PRP4K: variants seen among roughly 807,000 people sequenced by gnomAD.
PRP4K encodes the protein serine/threonine-protein kinase PRP4 homolog.
the PRP4K span, among the ~76,000 whole-genome samples, chr6:4,033,775 T>G: frequency 2.0e-5 from 3 of 152,210 alleles, 1 homozygote; most frequent in East Asian, 3.8e-4. Context: ...TATTTCCAAG[T>G]GCTGTGTCTT....
chr6:4,037,227 A>G, the PRP4K span, among the ~76,000 whole-genome samples: 1 of 152,196 alleles, frequency 6.6e-6, no homozygotes, highest in Non-Finnish European at 1.5e-5. Flanking sequence ...GCCTGCAATA[A>G]CACCAAAATA....
the PRP4K span, among the ~76,000 whole-genome samples, chr6:4,029,214 AC>A: frequency 6.6e-6 from 1 of 151,080 alleles, no homozygotes; most frequent in Non-Finnish European, 1.5e-5. Flanking sequence ...AGTGTCTTTC[AC>A]AACACTGATC....
chr6:4,032,726 A>G, the PRP4K span: 1 of 1,581,148 alleles, frequency 6.3e-7, no homozygotes, highest in Non-Finnish European at 8.5e-7. Flanking sequence ...AACGACGAGA[A>G]CCAGAGAGGA....
chr6:4,031,928 G>A, the PRP4K span: 1 of 1,613,986 alleles, frequency 6.2e-7, no homozygotes. Flanking sequence ...GGCTCATTTT[G>A]CAAGGTTATG....
the PRP4K span, among the ~76,000 whole-genome samples, chr6:4,056,074 A>G: frequency 6.6e-6 from 1 of 151,002 alleles, no homozygotes; most frequent in South Asian, 2.1e-4. Flanking sequence ...TGTTAAAATT[A>G]AATGTACTTT....
the PRP4K span, chr6:4,052,134 C>T: frequency 1.3e-6 from 2 of 1,507,466 alleles, no homozygotes; most frequent in Non-Finnish European, 1.8e-6. Context: ...GCAAATTTAA[C>T]TTCTTCATCT....
the PRP4K span, chr6:4,059,022 T>C: frequency 2.1e-6 from 1 of 479,744 alleles, no homozygotes; most frequent in Non-Finnish European, 3.7e-6. Flanking sequence ...TTTATTTTTA[T>C]TATAGGTCAT....
chr6:4,048,164 G>T, the PRP4K span, among the ~76,000 whole-genome samples: 1 of 152,048 alleles, frequency 6.6e-6, no homozygotes, highest in Non-Finnish European at 1.5e-5. Context: ...GGATCACGAG[G>T]TCAGGAGATC....
At chr6:4,046,344 C>T in the PRP4K span, among the ~76,000 whole-genome samples, 1 of 152,134 alleles carries the variant, frequency 6.6e-6, no homozygotes, top group Admixed American at 6.5e-5. Flanking sequence ...GAAATTGATA[C>T]CTCATTGTAG....
the PRP4K span, chr6:4,049,021 T>A: frequency 6.2e-7 from 1 of 1,611,476 alleles, no homozygotes; most frequent in Non-Finnish European, 8.5e-7. Flanking sequence ...TTCAGAGTGC[T>A]CGTCTTCGGG....
At chr6:4,037,644 TTTTC>T in the PRP4K span, 11 of 1,428,334 alleles carry the variant, frequency 7.7e-6, no homozygotes, top group Non-Finnish European at 1.0e-5. Context: ...ACTTGGTAGG[TTTTC>T]TTTTAGACCA....
the PRP4K span, chr6:4,052,020 C>T: frequency 5.9e-5 from 94 of 1,605,742 alleles, no homozygotes; most frequent in Non-Finnish European, 7.6e-5. Context: ...ATCCTGATGA[C>T]AAATTTCATT....
chr6:4,045,964 C>T, the PRP4K span, among the ~76,000 whole-genome samples: 1 of 152,144 alleles, frequency 6.6e-6, no homozygotes, highest in South Asian at 2.1e-4. Flanking sequence ...CACACAAAAC[C>T]AAACTATACA....
chr6:4,037,358 G>C, the PRP4K span: 5 of 1,490,836 alleles, frequency 3.4e-6, no homozygotes, highest in Admixed American at 1.1e-4. Context: ...CATTTACTTT[G>C]ATTTATATTT....
the PRP4K span, among the ~76,000 whole-genome samples, chr6:4,037,041 A>T: frequency 1.3e-5 from 2 of 152,108 alleles, no homozygotes; most frequent in African/African-American, 4.8e-5. Flanking sequence ...GGATGTAGAA[A>T]GAAAAAGTCG....
the PRP4K span, chr6:4,050,412 T>G: frequency 1.9e-6 from 1 of 530,496 alleles, no homozygotes; most frequent in African/African-American, 1.9e-5. Context: ...TTTAATTCAG[T>G]GCATTTTAGT....
At chr6:4,025,536 C>T in the PRP4K span, among the ~76,000 whole-genome samples, 1 of 152,124 alleles carries the variant, frequency 6.6e-6, no homozygotes, top group Non-Finnish European at 1.5e-5. Flanking sequence ...CCTGATTGTA[C>T]CGAGCTGGTA....
chr6:4,049,828 C>T, the PRP4K span: 1 of 1,614,068 alleles, frequency 6.2e-7, no homozygotes, highest in Non-Finnish European at 8.5e-7. Context: ...AGAGATAATG[C>T]AAGAGCCAAC....
chr6:4,048,114 C>T, the PRP4K span, among the ~76,000 whole-genome samples: 4 of 152,088 alleles, frequency 2.6e-5, no homozygotes, highest in Non-Finnish European at 4.4e-5. Context: ...CACGGTGGCT[C>T]ACGCCTGTAA....
Sources: allele counts gnomAD v4.1 joint callset (sites outside exome capture counted in the v4.1 genomes callset), GRCh38; gene constraint gnomAD v4.1.1; transcripts MANE v1.5; gene names NCBI Gene and HGNC (gene_info 2026-07-23, HGNC 2026-07-21).